SV2C: variants seen among roughly 807,000 people sequenced by gnomAD.
SV2C encodes solute carrier family 22 member B3.
In SV2C, 49 loss-of-function variants were observed where a neutral mutation model predicts 79.7. That is an observed-to-expected ratio of 0.61 (90% confidence interval 0.49 to 0.78). The LOEUF is 0.78. Among genes scored for constraint, SV2C ranks in the 30% least tolerant of loss-of-function variants. The pLI, the probability that SV2C is intolerant of heterozygous loss-of-function variation, is 0.00. For synonymous variants in SV2C, 334 were observed against 333.2 expected (o/e 1.00, Z -0.03); for missense variants, 833 against 912.9 (o/e 0.91, Z 1.13).
intron 1 of SV2C, among the ~76,000 whole-genome samples, chr5:76,099,061 T>C (rs1182534842): frequency 2.0e-5 from 3 of 152,174 alleles, no homozygotes; most frequent in Non-Finnish European, 4.4e-5. Flanking sequence ...ATTACCTTAT[T>C]ACCCTATGAG....
chr5:76,008,923 T>C, the SV2C span, among the ~76,000 whole-genome samples: 1 of 152,218 alleles, frequency 6.6e-6, no homozygotes, highest in South Asian at 2.1e-4. Context: ...ACTCCAAGCC[T>C]GTTCTTCAAA....
chr5:76,195,063 G>A lies in SV2C; in HGVS notation c.725G>A (p.Gly242Asp), dbSNP rs1028310476. The change falls in exon 3 of 13, where the codon GGC becomes GAC. Residue 242 changes from glycine (G) to aspartate (D), a missense_variant. Physicochemically the swap from Gly to Asp is moderately conservative, Grantham distance 94. Transcript: ENST00000502798. ...CTTTCTTCATTTGTCCAAGGTTATGGCTTCTTTCTCTTCTGTCGCTTACTT... is the reference window on the plus strand; with the variant it reads ...CTTTCTTCATTTGTCCAAGGTTATGACTTCTTTCTCTTCTGTCGCTTACTT... ...AFLSSFVQGY[G>D]FFLFCRLLSG... The A allele has an allele frequency of 6.2e-7, 1 of 1,613,926 alleles. No individual in the cohort carries two copies. Among genetic ancestry groups the A allele is most frequent in the African/African-American group, 1.3e-5 (1 of 74,988 alleles).
the SV2C span, among the ~76,000 whole-genome samples, chr5:76,011,065 A>T: frequency 6.6e-6 from 1 of 152,190 alleles, no homozygotes; most frequent in Non-Finnish European, 1.5e-5. Context: ...AACTGGTGAG[A>T]GTGGACAGCG....
the SV2C span, among the ~76,000 whole-genome samples, chr5:75,971,939 C>T: frequency 6.6e-6 from 1 of 152,064 alleles, no homozygotes; most frequent in Non-Finnish European, 1.5e-5. Flanking sequence ...TACAAGGCTA[C>T]AGTAACCAAA....
At chr5:76,193,851 C>T (rs577500841) in intron 2 of SV2C, among the ~76,000 whole-genome samples, 1 of 152,314 alleles carries the variant, frequency 6.6e-6, no homozygotes, top group Admixed American at 6.5e-5. Flanking sequence ...TAATAATACT[C>T]ACTTTGCAGG....
At chr5:75,911,516 CT>C in the SV2C span, 5 of 704,150 alleles carry the variant, frequency 7.1e-6, no homozygotes, top group African/African-American at 5.4e-5. Context: ...ACCACTGGCC[CT>C]AGGGTCTCCT....
At chr5:76,276,609 T>A (rs185357448) in intron 4 of SV2C, among the ~76,000 whole-genome samples, 1 of 151,948 alleles carries the variant, frequency 6.6e-6, no homozygotes, top group East Asian at 1.9e-4. Context: ...ATTACAGGCA[T>A]GAGCTACAGT....
chr5:76,014,827 C>T, the SV2C span, among the ~76,000 whole-genome samples: 51 of 152,166 alleles, frequency 3.4e-4, no homozygotes, highest in Admixed American at 2.8e-3. Flanking sequence ...TCTACGTTTA[C>T]GACAGCCCAT....
chr5:76,339,531 G>A (rs112497844), intron 12 of SV2C, among the ~76,000 whole-genome samples: 7 of 151,950 alleles, frequency 4.6e-5, no homozygotes, highest in Admixed American at 6.6e-5. Context: ...TGGCTAACAA[G>A]GTGAAACTCT....
At chr5:76,013,722 C>G in the SV2C span, among the ~76,000 whole-genome samples, 1 of 152,028 alleles carries the variant, frequency 6.6e-6, no homozygotes, top group Non-Finnish European at 1.5e-5. Flanking sequence ...TGTAAATAAT[C>G]AAGCATGACC....
intron 3 of SV2C, among the ~76,000 whole-genome samples, chr5:76,200,253 G>C (rs185222706): frequency 1.3e-5 from 2 of 152,300 alleles, no homozygotes; most frequent in Admixed American, 1.3e-4. Context: ...CTCAGCAGCT[G>C]GCAGAATTCC....
intron 1 of SV2C, among the ~76,000 whole-genome samples, chr5:76,088,549 A>G (rs1432621573): frequency 6.6e-6 from 1 of 152,174 alleles, no homozygotes; most frequent in Non-Finnish European, 1.5e-5. Context: ...CACTAATCCC[A>G]TTCATGAGGG....
chr5:76,236,913 A>G (rs1745633425), intron 4 of SV2C, among the ~76,000 whole-genome samples: 1 of 152,168 alleles, frequency 6.6e-6, no homozygotes, highest in Non-Finnish European at 1.5e-5. Context: ...AGTTTCCCCC[A>G]TGCTGTTCTC....
At chr5:76,037,495 G>T in the SV2C span, among the ~76,000 whole-genome samples, 3 of 152,154 alleles carry the variant, frequency 2.0e-5, no homozygotes, top group African/African-American at 7.2e-5. Context: ...GTTTGTTGGA[G>T]TACCCGGCCG....
chr5:76,192,442 C>T (rs754704666), intron 2 of SV2C, among the ~76,000 whole-genome samples: 1 of 152,116 alleles, frequency 6.6e-6, no homozygotes, highest in Non-Finnish European at 1.5e-5. Flanking sequence ...TAAGTCTGCC[C>T]GTCTGCAGCA....
At chr5:76,323,050 C>A (rs1019986405) in intron 12 of SV2C, among the ~76,000 whole-genome samples, 3 of 152,186 alleles carry the variant, frequency 2.0e-5, no homozygotes, top group Non-Finnish European at 4.4e-5. Context: ...TGTAATTAAA[C>A]TAAAGATCTT....
At chr5:75,863,215 T>C in the SV2C span, among the ~76,000 whole-genome samples, 1 of 152,204 alleles carries the variant, frequency 6.6e-6, no homozygotes, top group African/African-American at 2.4e-5. Flanking sequence ...GAACTTGGGC[T>C]TGGGAAAAGA....
the SV2C span, among the ~76,000 whole-genome samples, chr5:75,932,457 C>T: frequency 2.6e-5 from 4 of 151,980 alleles, no homozygotes; most frequent in Non-Finnish European, 5.9e-5. Flanking sequence ...AAAGTGGGAT[C>T]GGGGGCTAAC....
the SV2C span, among the ~76,000 whole-genome samples, chr5:76,014,649 C>T: frequency 2.0e-5 from 3 of 152,126 alleles, no homozygotes; most frequent in African/African-American, 7.2e-5. Context: ...CTGCCACACA[C>T]ACACATGTGC....
Sources: allele counts gnomAD v4.1 joint callset (sites outside exome capture counted in the v4.1 genomes callset), GRCh38; gene constraint gnomAD v4.1.1; transcripts MANE v1.5; gene names NCBI Gene and HGNC (gene_info 2026-07-23, HGNC 2026-07-21).